LRFN5: variants seen among roughly 807,000 people sequenced by gnomAD.
The protein encoded by LRFN5 is leucine-rich repeat and fibronectin type-III domain-containing protein 5.
In LRFN5, 24 loss-of-function variants were observed where a neutral mutation model predicts 45.6. The ratio of observed to expected loss-of-function variants is 0.53; its 90% CI spans 0.38 to 0.74. The LOEUF is 0.74. Ranked by LOEUF, LRFN5 falls within the 30% of genes least tolerant of loss-of-function variation. The probability of loss-of-function intolerance (pLI) is 0.00; values close to 1 mark genes in which losing one functional copy is unlikely to be tolerated. For synonymous variants in LRFN5, 340 were observed against 313.8 expected (o/e 1.08, Z -0.88); for missense variants, 776 against 861.5 (o/e 0.90, Z 1.24).
chr14:41,732,682 G>A (rs1048636033), intron 1 of LRFN5, among the ~76,000 whole-genome samples: 2 of 151,566 alleles, frequency 1.3e-5, no homozygotes, highest in African/African-American at 2.4e-5. Flanking sequence ...CAAATGTATA[G>A]TTTTCAGAAA....
chr14:41,663,720 C>T (rs1267090010), intron 1 of LRFN5, among the ~76,000 whole-genome samples: 1 of 151,860 alleles, frequency 6.6e-6, no homozygotes, highest in East Asian at 1.9e-4. Flanking sequence ...GATGATTTGG[C>T]AGTGATTTAT....
At chr14:41,898,860 G>C in intron 4 of LRFN5, 57 bp from the exon 5 acceptor site, 1 of 1,465,390 alleles carries the variant, frequency 6.8e-7, no homozygotes, top group Non-Finnish European at 9.4e-7. Flanking sequence ...GAGGTTTTTT[G>C]AATCTATTTC....
At chr14:41,834,109 G>T (rs79900448) in intron 2 of LRFN5, among the ~76,000 whole-genome samples, 2 of 152,184 alleles carry the variant, frequency 1.3e-5, no homozygotes, top group East Asian at 1.9e-4. Context: ...GATCTACATT[G>T]TGAGCTAAAG....
At chr14:41,808,269 T>C (rs1195962318) in intron 2 of LRFN5, among the ~76,000 whole-genome samples, 1 of 109,062 alleles carries the variant, frequency 9.2e-6, no homozygotes, top group East Asian at 2.9e-4. Context: ...GAAGGACCTA[T>C]GAGATTACTT....
intron 2 of LRFN5, among the ~76,000 whole-genome samples, chr14:41,809,405 C>A (rs1374573128): frequency 6.6e-6 from 1 of 151,460 alleles, no homozygotes. Flanking sequence ...ATTCTTAATG[C>A]AACACTGAAA....
intron 2 of LRFN5, among the ~76,000 whole-genome samples, chr14:41,770,816 T>A (rs1215961270): frequency 6.6e-6 from 1 of 152,122 alleles, no homozygotes; most frequent in African/African-American, 2.4e-5. Flanking sequence ...ACAGCTCCAC[T>A]AGACAGTGTC....
intron 3 of LRFN5, 60 bp downstream of exon 3, chr14:41,888,070 T>C: frequency 1.5e-6 from 2 of 1,333,980 alleles, no homozygotes; most frequent in Non-Finnish European, 1.0e-6. Context: ...AATTTGTTAA[T>C]GTACTACTGA....
In LRFN5 at chr14:41,891,410, C is replaced by A. The variant is rs138417169; in HGVS notation, c.1546C>A (p.Arg516Ser). ...IQFTTEQDYV[R>S]CHFMQSQFLG... Reference sequence around the variant, plus strand: ...GTTTACTACGGAACAGGATTATGTGCGTTGCCATTTCATGCAGTCTCAGTT... The same window carrying A: ...GTTTACTACGGAACAGGATTATGTGAGTTGCCATTTCATGCAGTCTCAGTT... Residue 516 changes from arginine to serine, a missense_variant, in exon 4 of 6, where the codon CGT becomes AGT. Arg to Ser is a moderately radical substitution (Grantham distance 110, BLOSUM62 -1). Transcript: ENST00000298119. 221 of 1,613,914 alleles carry A rather than the reference C, an allele frequency of 1.4e-4. No individual in the cohort carries two copies. Among genetic ancestry groups the A allele is most frequent in the Non-Finnish European group, 1.8e-4 (218 of 1,180,034 alleles).
intron 2 of LRFN5, among the ~76,000 whole-genome samples, chr14:41,801,928 AG>A (rs1207759533): frequency 1.3e-5 from 2 of 152,076 alleles, no homozygotes; most frequent in Admixed American, 6.6e-5. Context: ...AGGAACTGGG[AG>A]GGACCTCAAT....
At chr14:41,892,291 GTA>G (rs148804593) in intron 4 of LRFN5, 33 of 932,300 alleles carry the variant, frequency 3.5e-5, no homozygotes, top group Non-Finnish European at 3.7e-5. Context: ...CTCAGGTACA[GTA>G]TATATATATA....
intron 1 of LRFN5, among the ~76,000 whole-genome samples, chr14:41,670,248 TACAC>T (rs1881121282): frequency 1.4e-5 from 1 of 72,096 alleles, no homozygotes; most frequent in Non-Finnish European, 2.9e-5. Flanking sequence ...CACACACACA[TACAC>T]ACAGATATAT....
At position 41,736,105 on chromosome 14, in the gene LRFN5, C is replaced by T. The variant is rs553310299; in HGVS notation, c.-196-30749C>T. Among the ~76,000 whole-genome samples, 135 of 152,148 alleles carry T rather than the reference C, an allele frequency of 8.9e-4. 1 individual carries two copies. The Middle Eastern group carries it at 0.01, about 12-fold the overall frequency. The stretch of plus-strand genomic sequence containing the variant: ...CTTTATAGTAGAATGATTTATAATC[C>T]TTTGGTTATATACCCAGCAATGGGA... On this transcript the variant is annotated intron_variant, in intron 1 of 5. Transcript: ENST00000298119.
chr14:41,681,629 C>T (rs1881886039), intron 1 of LRFN5, among the ~76,000 whole-genome samples: 1 of 151,770 alleles, frequency 6.6e-6, no homozygotes, highest in African/African-American at 2.4e-5. Context: ...AGGGTCCTAC[C>T]AGAAATGCTA....
intron 1 of LRFN5, among the ~76,000 whole-genome samples, chr14:41,612,527 C>T (rs1384563237): frequency 2.0e-5 from 3 of 152,002 alleles, no homozygotes; most frequent in South Asian, 2.1e-4. Flanking sequence ...GGTGTGAGAG[C>T]CCCTAGAATA....
At chr14:41,608,751 A>C (rs567247472) in intron 1 of LRFN5, among the ~76,000 whole-genome samples, 189 bp downstream of exon 1, 1 of 152,206 alleles carries the variant, frequency 6.6e-6, no homozygotes, top group Non-Finnish European at 1.5e-5. Flanking sequence ...ATCTATACCT[A>C]AGCACTTAAT....
rs561033428 is a variant in LRFN5 at position 41,624,294 on chromosome 14, A to G, written c.-197+15732A>G. Among the ~76,000 whole-genome samples the G allele has an allele frequency of 8.5e-5, 13 of 152,210 alleles. No individual in the cohort carries two copies. The South Asian group carries it at 2.3e-3, about 27-fold the overall frequency. Reference sequence around the variant, plus strand: ...TTGAATGACTGGTTAATTTTCCTACAATTAATCCTTTTGTGAAAATTTCAT... The same window carrying G: ...TTGAATGACTGGTTAATTTTCCTACGATTAATCCTTTTGTGAAAATTTCAT... On this transcript the variant is annotated intron_variant, in intron 1 of 5. Coordinates refer to ENST00000298119, the MANE Select transcript of LRFN5 (RefSeq NM_152447.5).
At chr14:41,633,920 G>A (rs1888636959) in intron 1 of LRFN5, among the ~76,000 whole-genome samples, 1 of 151,958 alleles carries the variant, frequency 6.6e-6, no homozygotes, top group African/African-American at 2.4e-5. Context: ...ATACCAATTA[G>A]TGTGACTCAA....
At chr14:41,899,646 GCA>G (rs1030248844) in intron 5 of LRFN5, among the ~76,000 whole-genome samples, 6 of 151,960 alleles carry the variant, frequency 3.9e-5, no homozygotes, top group Non-Finnish European at 7.4e-5. Flanking sequence ...TTGAGGTTTG[GCA>G]CACACACAAA....
chr14:41,784,500 ACT>A (rs1265575707), intron 2 of LRFN5, among the ~76,000 whole-genome samples: 1 of 150,224 alleles, frequency 6.7e-6, no homozygotes, highest in Non-Finnish European at 1.5e-5. Context: ...CCTCGCAAAG[ACT>A]CTCTGAAATT....
Sources: gnomAD v4.1 joint callset for allele counts (sites outside exome capture counted in the v4.1 genomes callset) on GRCh38, gnomAD v4.1.1 for gene constraint, MANE v1.5 for transcripts, NCBI Gene and HGNC (gene_info 2026-07-23, HGNC 2026-07-21) for gene names.